Variants in LRRIQ3 observed in about 807,000 individuals in gnomAD.
LRRIQ3 encodes the protein leucine-rich repeat and IQ domain-containing protein 3.
LRRIQ3 carries 75 observed loss-of-function variants against 59.3 expected under a neutral mutation model. The ratio of observed to expected loss-of-function variants is 1.26; its 90% confidence interval spans 1.05 to 1.53. The LOEUF (loss-of-function observed/expected upper bound fraction) is 1.53, where lower values mean the gene tolerates loss of function less well. Among genes scored for constraint, LRRIQ3 ranks in the 40% most tolerant of loss-of-function variants. LRRIQ3 has a pLI of 0.00. For missense variants in LRRIQ3, 831 were observed against 710.0 expected, an observed-to-expected ratio of 1.17 and a Z score of -1.94; for synonymous variants, 250 against 231.3, an observed-to-expected ratio of 1.08 and a Z score of -0.73.
chr1:74,084,137 A>C, intron 5 of LRRIQ3: 1 of 1,540,164 alleles, frequency 6.5e-7, no homozygotes, highest in Non-Finnish European at 8.8e-7. Flanking sequence ...GATGTGCATA[A>C]TTCCTTTTGG....
chr1:74,060,703 C>T (rs1401406077), intron 6 of LRRIQ3, among the ~76,000 whole-genome samples: 1 of 151,882 alleles, frequency 6.6e-6, no homozygotes, highest in Non-Finnish European at 1.5e-5. Context: ...CATAGCAAGA[C>T]CCTGTCACAC....
At chr1:74,091,376 T>A (rs1053820955) in intron 5 of LRRIQ3, among the ~76,000 whole-genome samples, 1 of 152,052 alleles carries the variant, frequency 6.6e-6, no homozygotes, top group Non-Finnish European at 1.5e-5. Context: ...ATATTTCAAA[T>A]ACAATGAGCA....
intron 4 of LRRIQ3, among the ~76,000 whole-genome samples, chr1:74,139,342 G>T (rs1423923426): frequency 6.6e-6 from 1 of 151,346 alleles, no homozygotes; most frequent in Non-Finnish European, 1.5e-5. Flanking sequence ...AGGAAGGGAA[G>T]TAGTGAGGAC....
At chr1:74,066,298 C>T (rs1417011776) in intron 6 of LRRIQ3, among the ~76,000 whole-genome samples, 1 of 151,644 alleles carries the variant, frequency 6.6e-6, no homozygotes, top group African/African-American at 2.4e-5. Flanking sequence ...ATCAAGATAG[C>T]CTGTATATTA....
chr1:74,181,060 C>T (rs1649947888), intron 3 of LRRIQ3: 2 of 404,738 alleles, frequency 4.9e-6, no homozygotes, highest in African/African-American at 2.0e-5. Flanking sequence ...TCTCCAAGTC[C>T]CAGACAGTCC....
intron 7 of LRRIQ3, among the ~76,000 whole-genome samples, chr1:74,029,166 A>G (rs902031653): frequency 2.0e-5 from 3 of 152,158 alleles, no homozygotes; most frequent in Admixed American, 2.0e-4. Context: ...GCAAACAGGG[A>G]CAATTTGACT....
intron 3 of LRRIQ3, among the ~76,000 whole-genome samples, chr1:74,175,681 A>G (rs1157998598): frequency 6.6e-6 from 1 of 152,192 alleles, no homozygotes; most frequent in Non-Finnish European, 1.5e-5. Flanking sequence ...ATTATCCATG[A>G]ATAGTTACTA....
chr1:74,192,373 C>G (rs959054321), intron 1 of LRRIQ3, among the ~76,000 whole-genome samples: 1 of 152,102 alleles, frequency 6.6e-6, no homozygotes, highest in African/African-American at 2.4e-5. Flanking sequence ...CAGGTAGTTT[C>G]TTTTCAGCCC....
At chr1:74,049,365 T>C (rs777198560) in intron 6 of LRRIQ3, among the ~76,000 whole-genome samples, 9 of 152,174 alleles carry the variant, frequency 5.9e-5, no homozygotes, top group Non-Finnish European at 8.8e-5. Context: ...GATTTGAATG[T>C]GGACCGTAAA....
chr1:74,133,858 A>G (rs182000620), intron 4 of LRRIQ3, among the ~76,000 whole-genome samples: 129 of 152,072 alleles, frequency 8.5e-4, no homozygotes, highest in African/African-American at 3.0e-3. Flanking sequence ...CTTAAAGTAT[A>G]ATAATAAAAA....
chr1:74,071,087 TTA>T (rs200782049), intron 6 of LRRIQ3, among the ~76,000 whole-genome samples: 5,019 of 149,168 alleles, frequency 0.034, 302 homozygotes, highest in African/African-American at 0.12. Flanking sequence ...AATTTTATAG[TTA>T]TATATATATA....
chr1:74,071,779 C>T (rs975337678), intron 6 of LRRIQ3, among the ~76,000 whole-genome samples: 1 of 152,138 alleles, frequency 6.6e-6, no homozygotes, highest in African/African-American at 2.4e-5. Flanking sequence ...CACTGTTATA[C>T]ACCAGGACAA....
At chr1:74,124,964 A>T (rs1189726129) in intron 4 of LRRIQ3, among the ~76,000 whole-genome samples, 1 of 151,936 alleles carries the variant, frequency 6.6e-6, no homozygotes, top group African/African-American at 2.4e-5. Context: ...TGGACATTTT[A>T]AAAATATTAA....
chr1:74,177,110 T>C (rs936249381), intron 3 of LRRIQ3, among the ~76,000 whole-genome samples: 5 of 152,222 alleles, frequency 3.3e-5, no homozygotes, highest in African/African-American at 9.6e-5. Flanking sequence ...TTTTAATATG[T>C]ATTTTTTTGT....
chr1:74,040,345 G>T (rs1654005954), intron 7 of LRRIQ3, among the ~76,000 whole-genome samples: 1 of 152,142 alleles, frequency 6.6e-6, no homozygotes, highest in Non-Finnish European at 1.5e-5. Flanking sequence ...AATAGTGGGA[G>T]ACTTTAATAC....
intron 3 of LRRIQ3, among the ~76,000 whole-genome samples, chr1:74,168,285 G>C (rs1043573388): frequency 6.6e-6 from 1 of 151,888 alleles, no homozygotes; most frequent in Non-Finnish European, 1.5e-5. Context: ...TCCCCATTTA[G>C]AATGGCTATG....
intron 6 of LRRIQ3, among the ~76,000 whole-genome samples, chr1:74,060,252 T>TTCTTCC (rs1654679407): frequency 2.3e-5 from 3 of 128,388 alleles, no homozygotes; most frequent in African/African-American, 6.1e-5. Flanking sequence ...CTTCTTCTTC[T>TTCTTCC]TCTTCCTCTT....
chr1:74,130,480 T>G (rs992007304), intron 4 of LRRIQ3, among the ~76,000 whole-genome samples: 1 of 151,996 alleles, frequency 6.6e-6, no homozygotes. Context: ...ACTGCCAGAG[T>G]GTGGGGGAAG....
chr1:74,065,396 G>A (rs1030218228), intron 6 of LRRIQ3, among the ~76,000 whole-genome samples: 7 of 152,070 alleles, frequency 4.6e-5, no homozygotes, highest in Non-Finnish European at 1.0e-4. Flanking sequence ...AAAAGCTTCT[G>A]TTAGTTATAA....
Sources: allele counts gnomAD v4.1 joint callset (sites outside exome capture counted in the v4.1 genomes callset), GRCh38; gene constraint gnomAD v4.1.1; transcripts MANE v1.5; gene names NCBI Gene and HGNC (gene_info 2026-07-23, HGNC 2026-07-21).